EFCAB11: variants seen among roughly 807,000 people sequenced by gnomAD.
EFCAB11 encodes the protein EF-hand calcium binding domain 11, also known as EF-hand calcium-binding domain-containing protein 11.
In EFCAB11, 14 loss-of-function variants were observed where a neutral mutation model predicts 23.0. The observed-to-expected ratio is 0.61, with a 90% confidence interval of 0.40 to 0.95. The LOEUF is 0.95. Among genes scored for constraint, EFCAB11 ranks in the 40% least tolerant of loss-of-function variants. The probability of loss-of-function intolerance (pLI) is 0.00; values close to 1 mark genes in which losing one functional copy is unlikely to be tolerated. For synonymous variants in EFCAB11, 65 were observed against 66.6 expected, an observed-to-expected ratio of 0.98 and a Z score of 0.11; for missense variants, 198 against 195.8, an observed-to-expected ratio of 1.01 and a Z score of -0.07.
Position 89,834,393 on chromosome 14 carries a change from A to AC in EFCAB11, c.411-37070_411-37069insG, listed in dbSNP as rs1330739713. Among the ~76,000 whole-genome samples, 53 of 150,298 alleles carry AC rather than the reference A, an allele frequency of 3.5e-4. 3 individuals are homozygous for AC. The South Asian group carries it at 6.5e-3, about 18-fold the overall frequency. On this transcript the variant is annotated intron_variant, in intron 5 of 5. Transcript: ENST00000316738. ...TCCGTCTCAAAAAAAAAAAAAAAAAAAAAAAAAAAACCTTTTTGTTTAAAC... is the reference window on the plus strand; with the variant it reads ...TCCGTCTCAAAAAAAAAAAAAAAAAACAAAAAAAAAACCTTTTTGTTTAAAC...
At position 89,924,647 on chromosome 14, in the gene EFCAB11, G is replaced by C. The variant is rs1596457416; in HGVS notation, c.410+6894C>G. The stretch of plus-strand genomic sequence containing the variant: ...ACTTTAAGTCAGCTTCCTGATGACA[G>C]CCGAAGTTAAATCATGCACTGAAAA... On this transcript the variant is annotated intron_variant, in intron 5 of 5. Transcript: ENST00000316738. 2.6e-6 allele frequency: 4 copies of C among 1,535,638 alleles called. No individual in the cohort carries two copies. In the East Asian group the frequency reaches 7.3e-5, roughly 28 times the overall value.
At chr14:89,829,665 G>A (rs1237387103) in intron 5 of EFCAB11, among the ~76,000 whole-genome samples, 2 of 152,096 alleles carry the variant, frequency 1.3e-5, no homozygotes, top group African/African-American at 2.4e-5. Context: ...GAATCAAATG[G>A]CAAAAATGAA....
intron 5 of EFCAB11, among the ~76,000 whole-genome samples, chr14:89,885,541 G>C (rs1379510868): frequency 6.6e-6 from 1 of 152,086 alleles, no homozygotes. Context: ...AGCCAGGCGT[G>C]GTAGCGTGCG....
At chr14:89,828,650 T>C (rs775196142) in intron 5 of EFCAB11, among the ~76,000 whole-genome samples, 48 of 152,206 alleles carry the variant, frequency 3.2e-4, no homozygotes, top group Non-Finnish European at 4.7e-4. Context: ...GGTGTTTACT[T>C]ACAAAAATTC....
chr14:89,883,022 G>C (rs376547852), intron 5 of EFCAB11, among the ~76,000 whole-genome samples: 1 of 152,020 alleles, frequency 6.6e-6, no homozygotes, highest in Non-Finnish European at 1.5e-5. Flanking sequence ...CTCTCTTGCC[G>C]TGTGATCTCT....
intron 5 of EFCAB11, among the ~76,000 whole-genome samples, chr14:89,919,858 C>T (rs1889968215): frequency 6.6e-6 from 1 of 152,144 alleles, no homozygotes; most frequent in Admixed American, 6.5e-5. Context: ...TTTTCTCCAG[C>T]AGCAGGTTGC....
intron 5 of EFCAB11, among the ~76,000 whole-genome samples, chr14:89,906,276 A>G (rs964780421): frequency 6.6e-6 from 1 of 152,142 alleles, no homozygotes; most frequent in Non-Finnish European, 1.5e-5. Context: ...AAATAGCCCA[A>G]TAACTCTTTT....
At chr14:89,939,392 TAAAAG>T (rs1404935555) in intron 3 of EFCAB11, among the ~76,000 whole-genome samples, 1 of 152,064 alleles carries the variant, frequency 6.6e-6, no homozygotes, top group African/African-American at 2.4e-5. Flanking sequence ...GAGAGATTTG[TAAAAG>T]AACAGGGATC....
intron 5 of EFCAB11, among the ~76,000 whole-genome samples, chr14:89,919,739 C>T (rs528734942): frequency 2.8e-4 from 43 of 152,204 alleles, no homozygotes; most frequent in Middle Eastern, 3.4e-3. Flanking sequence ...ACCAAAGGAG[C>T]CATCATCAGT....
At chr14:89,882,864 T>C (rs1342458030) in intron 5 of EFCAB11, among the ~76,000 whole-genome samples, 2 of 152,190 alleles carry the variant, frequency 1.3e-5, no homozygotes, top group Non-Finnish European at 2.9e-5. Context: ...GGGAGGTGTT[T>C]GGGTCCTGGG....
Position 89,808,414 on chromosome 14 carries a change from A to T in EFCAB11, c.411-11090T>A, listed in dbSNP as rs1566766095. Reference sequence around the variant, plus strand: ...TTACTTTAAAATTCTGTGAAGATAGATTTTTTTTTCCATTAAATGAGAGTG... The same window carrying T: ...TTACTTTAAAATTCTGTGAAGATAGTTTTTTTTTTCCATTAAATGAGAGTG... On this transcript the variant is annotated intron_variant, in intron 5 of 5. Transcript: ENST00000316738. Among the ~76,000 whole-genome samples, 19 of 151,776 alleles carry T rather than the reference A, an allele frequency of 1.3e-4. No homozygotes were observed. The South Asian group carries it at 4.0e-3, about 32-fold the overall frequency.
chr14:89,886,374 C>T lies in EFCAB11; in HGVS notation c.410+45167G>A, dbSNP rs527720221. Among the ~76,000 whole-genome samples the T allele has an allele frequency of 2.1e-3, 315 of 151,862 alleles. 1 individual carries two copies. The highest frequency in any genetic ancestry group is 7.2e-3 in the African/African-American group (299 of 41,400). On this transcript the variant is annotated intron_variant, in intron 5 of 5. Coordinates refer to ENST00000316738, the MANE Select transcript of EFCAB11 (RefSeq NM_145231.4). ...CTACTAAAAATACAAAGAAATGAGC[C>T]GGGCGTGGTGGCGGGTGCCTGTAGT...
chr14:89,935,316 C>T (rs1042879025), intron 3 of EFCAB11, among the ~76,000 whole-genome samples: 1 of 151,636 alleles, frequency 6.6e-6, no homozygotes, highest in Non-Finnish European at 1.5e-5. Flanking sequence ...TACATGTTTG[C>T]TGAGTAAGTA....
rs1478049100 is a variant in EFCAB11, at chr14:89,907,440, AT to A, written c.410+24100del. Among the ~76,000 whole-genome samples, 3 of 152,348 alleles carry A rather than the reference AT, an allele frequency of 2.0e-5. No individual in the cohort carries two copies. In the South Asian group the frequency reaches 6.2e-4, roughly 32 times the overall value. On this transcript the variant is annotated intron_variant, in intron 5 of 5. Coordinates refer to ENST00000316738, the MANE Select transcript of EFCAB11 (RefSeq NM_145231.4). The stretch of plus-strand genomic sequence containing the variant: ...TTTGATATTTTTATCAAAAGATTGT[AT>A]GACCAAATTGCCAGAAATCAGGCAT...
chr14:89,938,972 A>C (rs1771588773), intron 3 of EFCAB11, among the ~76,000 whole-genome samples: 1 of 93,636 alleles, frequency 1.1e-5, no homozygotes, highest in South Asian at 3.2e-4. Context: ...ACAACAAAGC[A>C]AAAAAAAAAA....
At chr14:89,924,725 A>G in intron 5 of EFCAB11, 1 of 1,532,176 alleles carries the variant, frequency 6.5e-7, no homozygotes, top group South Asian at 1.2e-5. Context: ...CATGAAAATC[A>G]CATGTAGACA....
chr14:89,849,492 G>A (rs1039849076), intron 5 of EFCAB11, among the ~76,000 whole-genome samples: 1 of 152,168 alleles, frequency 6.6e-6, no homozygotes, highest in African/African-American at 2.4e-5. Context: ...TAAAAAGTTA[G>A]TGTCTAGGGG....
At chr14:89,923,737 T>C in intron 5 of EFCAB11, 1 of 985,404 alleles carries the variant, frequency 1.0e-6, no homozygotes, top group Non-Finnish European at 1.2e-6. Context: ...TTACTGAAGT[T>C]GCATGATCAT....
At chr14:89,856,618 T>C (rs1054613786) in intron 5 of EFCAB11, among the ~76,000 whole-genome samples, 2 of 152,226 alleles carry the variant, frequency 1.3e-5, no homozygotes, top group Admixed American at 6.5e-5. Context: ...TTTTTGATAA[T>C]AGCCATCCTA....
Sources: allele counts gnomAD v4.1 joint callset (sites outside exome capture counted in the v4.1 genomes callset), GRCh38; gene constraint gnomAD v4.1.1; transcripts MANE v1.5; gene names NCBI Gene and HGNC (gene_info 2026-07-23, HGNC 2026-07-21).